The following PTPRE variants were observed in gnomAD, a reference collection of about 807,000 sequenced individuals.
PTPRE encodes receptor-type tyrosine-protein phosphatase epsilon.
A neutral mutation model predicts 102.0 loss-of-function variants in PTPRE; 51 were observed. The ratio of observed to expected loss-of-function variants is 0.50; its 90% CI spans 0.40 to 0.63. The LOEUF (loss-of-function observed/expected upper bound fraction) is 0.63, where lower values mean the gene tolerates loss of function less well. PTPRE is among the 30% of genes least tolerant of loss of function. The pLI is 0.00. For synonymous variants in PTPRE, 345 were observed against 348.2 expected (o/e 0.99, Z 0.10); for missense variants, 752 against 915.1 (o/e 0.82, Z 2.30).
At chr10:127,989,375 GAC>G (rs1248309993) in intron 2 of PTPRE, among the ~76,000 whole-genome samples, 1 of 152,100 alleles carries the variant, frequency 6.6e-6, no homozygotes, top group Non-Finnish European at 1.5e-5. Context: ...TTTCTGATAA[GAC>G]ACATACATAT....
chr10:128,078,842 C>T (rs1479240325), intron 19 of PTPRE, among the ~76,000 whole-genome samples: 1 of 152,178 alleles, frequency 6.6e-6, no homozygotes, highest in African/African-American at 2.4e-5. Context: ...AGGACAGGAG[C>T]CTTGGAATAA....
chr10:128,036,314 C>T (rs1847214238), intron 2 of PTPRE, among the ~76,000 whole-genome samples: 1 of 152,116 alleles, frequency 6.6e-6, no homozygotes, highest in Admixed American at 6.5e-5. Flanking sequence ...AGCCCACCTC[C>T]CCTTCTGACA....
Position 128,084,356 on chromosome 10 carries a change from T to C in PTPRE, c.*1450T>C, listed in dbSNP as rs1415849292. 1 of 152,236 alleles carries C rather than the reference T, an allele frequency of 6.6e-6. No homozygotes were observed. The highest frequency in any genetic ancestry group is 1.5e-5 in the Non-Finnish European group (1 of 68,024). The allele number at this position is 152,236 out of a possible 1,614,324, so 9.4% of individuals were successfully genotyped here. ...TAAAGGCCTTATTTGACATTTTCAC[T>C]GATAACTGATCGCACCCTCATGTTG... On this transcript the variant is annotated 3_prime_UTR_variant, in exon 21 of 21. Transcript: ENST00000254667.
chr10:128,066,578 CGTTA>C (rs1421819176), intron 11 of PTPRE, among the ~76,000 whole-genome samples: 1 of 152,138 alleles, frequency 6.6e-6, no homozygotes, highest in Admixed American at 6.5e-5. Context: ...GAAACCTCCT[CGTTA>C]TTTTCCACAC....
At chr10:127,980,503 T>G (rs1851524714) in intron 1 of PTPRE, among the ~76,000 whole-genome samples, 1 of 152,190 alleles carries the variant, frequency 6.6e-6, no homozygotes, top group African/African-American at 2.4e-5. Context: ...TTTTAATTCT[T>G]TTTCCTAACT....
chr10:127,931,816 C>A (rs746919827), intron 1 of PTPRE, among the ~76,000 whole-genome samples: 1 of 152,152 alleles, frequency 6.6e-6, no homozygotes, highest in Non-Finnish European at 1.5e-5. Flanking sequence ...TACTGTTTAT[C>A]TCCACAACAC....
chr10:127,972,624 C>T (rs1274589274), intron 1 of PTPRE, among the ~76,000 whole-genome samples: 3 of 152,234 alleles, frequency 2.0e-5, no homozygotes, highest in African/African-American at 7.2e-5. Context: ...TGGATCATTA[C>T]CATGATGCCG....
rs986433796 is a variant in PTPRE, at chr10:128,070,189, G to A, written c.1144-112G>A. The A allele has an allele frequency of 1.5e-6, 2 of 1,308,918 alleles. No homozygotes were observed. The highest frequency in any genetic ancestry group is 3.0e-5 in the African/African-American group (2 of 67,330). 81.1% of individuals were successfully genotyped at this position (1,308,918 alleles called of 1,614,324 possible). ...TGACTCTTGCCTCACACCTCCTTGT[G>A]TTGGCAAAAAGAGAAAAAGAAGAAA... On this transcript the variant is annotated intron_variant, in intron 13 of 20. Coordinates refer to ENST00000254667, the MANE Select transcript of PTPRE (RefSeq NM_006504.6). The surrounding 1 kb of genome is among the most constrained non-coding windows in gnomAD (Gnocchi z 4.8).
At chr10:127,989,686 ATTAT>A (rs1328712988) in intron 2 of PTPRE, among the ~76,000 whole-genome samples, 1 of 152,278 alleles carries the variant, frequency 6.6e-6, no homozygotes. Flanking sequence ...TATGAAAAAT[ATTAT>A]TTGACAGTTA....
At chr10:128,025,390 C>A (rs1846219247) in intron 2 of PTPRE, among the ~76,000 whole-genome samples, 1 of 152,152 alleles carries the variant, frequency 6.6e-6, no homozygotes, top group Admixed American at 6.5e-5. Context: ...CTCAAGGAAA[C>A]CCCATCTGCA....
At chr10:127,912,997 G>A (rs1845966240) in intron 1 of PTPRE, among the ~76,000 whole-genome samples, 1 of 152,242 alleles carries the variant, frequency 6.6e-6, no homozygotes, top group Non-Finnish European at 1.5e-5. Flanking sequence ...GGGGCTCAGG[G>A]AAAGGACTTA....
intron 2 of PTPRE, among the ~76,000 whole-genome samples, chr10:128,014,456 A>C (rs1392038398): frequency 6.6e-6 from 1 of 151,970 alleles, no homozygotes; most frequent in African/African-American, 2.4e-5. Flanking sequence ...ACATTGACAC[A>C]CCCCTGTTGG....
chr10:128,053,585 G>A (rs934348049), intron 6 of PTPRE, among the ~76,000 whole-genome samples: 1 of 152,150 alleles, frequency 6.6e-6, no homozygotes, highest in Non-Finnish European at 1.5e-5. Flanking sequence ...CACAGGGCCC[G>A]ATGCCCCTCC....
Position 128,070,772 on chromosome 10 carries a change from G to A in PTPRE, c.1294-36G>A. ...GAGCAATGTGCTCAGGAGTGTCAGA[G>A]GTTTAACTGTGTCATTATATCCTTC... On this transcript the variant is annotated intron_variant, in intron 14 of 20. Transcript: ENST00000254667. The surrounding 1 kb of genome is among the most constrained non-coding windows in gnomAD (Gnocchi z 4.8). 1.3e-6 allele frequency: 2 copies of A among 1,591,344 alleles called. No individual in the cohort carries two copies.
chr10:127,939,327 C>G (rs1377049568), intron 1 of PTPRE, among the ~76,000 whole-genome samples: 1 of 152,354 alleles, frequency 6.6e-6, no homozygotes, highest in African/African-American at 2.4e-5. Flanking sequence ...TCCCGTTCTG[C>G]TGTAGCAAAC....
At chr10:128,033,608 T>A (rs1554929471) in intron 2 of PTPRE, among the ~76,000 whole-genome samples, 1 of 152,226 alleles carries the variant, frequency 6.6e-6, no homozygotes, top group Non-Finnish European at 1.5e-5. Context: ...GTAAATGTAT[T>A]GTACTTGGAA....
chr10:128,045,593 G>A (rs925609507), intron 3 of PTPRE, among the ~76,000 whole-genome samples: 1 of 152,182 alleles, frequency 6.6e-6, no homozygotes, highest in African/African-American at 2.4e-5. Flanking sequence ...GGCCCTCCGT[G>A]GGGCTGGGCT....
intron 2 of PTPRE, among the ~76,000 whole-genome samples, chr10:128,013,705 G>A (rs72847336): frequency 0.18 from 27,381 of 152,090 alleles, 2,913 homozygotes; most frequent in Non-Finnish European, 0.23. Context: ...ATTTGTTGAG[G>A]ACACAGCAAA....
At chr10:128,002,141 G>A (rs7896460) in intron 2 of PTPRE, among the ~76,000 whole-genome samples, 103,030 of 152,036 alleles carry the variant, frequency 0.68, 35,143 homozygotes, top group African/African-American at 0.75. Context: ...GGTCTCAGCC[G>A]TCGCCCCCGC....
Sources: allele counts gnomAD v4.1 joint callset (sites outside exome capture counted in the v4.1 genomes callset), GRCh38; gene constraint gnomAD v4.1.1; non-coding constraint Gnocchi (gnomAD v3.1); transcripts MANE v1.5; gene names NCBI Gene and HGNC (gene_info 2026-07-23, HGNC 2026-07-21).